Variants in FBXO34 observed in about 807,000 individuals in gnomAD.
FBXO34 encodes F-box protein 34.
A neutral mutation model predicts 24.5 loss-of-function variants in FBXO34; 12 were observed. That is an observed-to-expected ratio of 0.49 (90% confidence interval 0.31 to 0.79). The LOEUF is 0.79. Among genes scored for constraint, FBXO34 ranks in the 30% least tolerant of loss-of-function variants. FBXO34 has a pLI of 0.04. For missense variants in FBXO34, 823 were observed against 857.7 expected (o/e 0.96, Z 0.51); for synonymous variants, 320 against 311.9 (o/e 1.03, Z -0.27).
the FBXO34 span, among the ~76,000 whole-genome samples, chr14:55,407,285 C>G: frequency 6.6e-6 from 1 of 152,196 alleles, no homozygotes; most frequent in East Asian, 1.9e-4. Flanking sequence ...TGCGTGCCAC[C>G]ACGCCCAGCT....
intron 1 of FBXO34, among the ~76,000 whole-genome samples, chr14:55,292,781 C>T (rs1415025804): frequency 6.6e-6 from 1 of 152,142 alleles, no homozygotes; most frequent in African/African-American, 2.4e-5. Context: ...GGTACTGTGG[C>T]ATAGTAGATT....
At chr14:55,409,827 T>G in the FBXO34 span, among the ~76,000 whole-genome samples, 1 of 152,098 alleles carries the variant, frequency 6.6e-6, no homozygotes. Flanking sequence ...TGAACAGAAA[T>G]GGAGGAGTAG....
chr14:55,332,243 TG>T (rs1883620533), intron 1 of FBXO34, among the ~76,000 whole-genome samples: 1 of 151,856 alleles, frequency 6.6e-6, no homozygotes, highest in Non-Finnish European at 1.5e-5. Context: ...GCATAGTAGG[TG>T]TTAAATCGTT....
At chr14:55,364,095 C>T (rs1884629999), downstream of FBXO34, among the ~76,000 whole-genome samples, 1 of 151,986 alleles carries the variant, frequency 6.6e-6, no homozygotes, top group Non-Finnish European at 1.5e-5. Flanking sequence ...GGATAACAGG[C>T]ATGTGCCACC....
intron 1 of FBXO34, among the ~76,000 whole-genome samples, chr14:55,319,851 A>G (rs1234062708): frequency 6.6e-6 from 1 of 151,826 alleles, no homozygotes; most frequent in African/African-American, 2.4e-5. Context: ...AATTTTTTGT[A>G]TTTTTAGTAG....
Position 55,323,218 on chromosome 14 carries a change from A to AAAAATAT in FBXO34, c.-10-27162_-10-27161insAAATATA, listed in dbSNP as rs1566555819. Among the ~76,000 whole-genome samples, 5 of 31,626 alleles carry AAAAATAT rather than the reference A, an allele frequency of 1.6e-4. No homozygotes were observed. In the Admixed American group the frequency reaches 1.7e-3, roughly 11 times the overall value. The allele number at this position is 31,626 out of a possible 152,430, so 20.7% of individuals were successfully genotyped here. Reference sequence around the variant, plus strand: ...AAAAAAAAAAAAAAAAAAAAAAAAAAATATATATTTTTTTTTTTTTTTTTT... The same window carrying AAAAATAT: ...AAAAAAAAAAAAAAAAAAAAAAAAAAAAAATATATATATATTTTTTTTTTTTTTTTTT... On this transcript the variant is annotated intron_variant, in intron 1 of 1. Coordinates refer to ENST00000313833, the MANE Select transcript of FBXO34 (RefSeq NM_017943.4).
chr14:55,395,166 C>T, the FBXO34 span: 60 of 458,700 alleles, frequency 1.3e-4, no homozygotes, highest in South Asian at 8.3e-4. Context: ...AGCTGATAAG[C>T]GTGCCGATCT....
chr14:55,289,161 G>A (rs1489897247), intron 1 of FBXO34, among the ~76,000 whole-genome samples: 1 of 151,900 alleles, frequency 6.6e-6, no homozygotes, highest in African/African-American at 2.4e-5. Flanking sequence ...ATGATTTAGA[G>A]TTCTTAGCCT....
intron 1 of FBXO34, chr14:55,339,420 A>G (rs1883916346): frequency 7.1e-6 from 1 of 140,342 alleles, no homozygotes; most frequent in Non-Finnish European, 1.5e-5. Context: ...CTGGTTCCAA[A>G]GGCCCAAATT....
chr14:55,392,972 A>G, the FBXO34 span, among the ~76,000 whole-genome samples: 1 of 152,242 alleles, frequency 6.6e-6, no homozygotes, highest in Non-Finnish European at 1.5e-5. Context: ...GAAGTCTTAG[A>G]TAGAAAAACT....
chr14:55,429,559 C>T, the FBXO34 span, among the ~76,000 whole-genome samples: 1 of 152,034 alleles, frequency 6.6e-6, no homozygotes, highest in African/African-American at 2.4e-5. Context: ...AGGACAGTAG[C>T]TCGAGACCGG....
chr14:55,412,177 C>T, the FBXO34 span, among the ~76,000 whole-genome samples: 44 of 152,286 alleles, frequency 2.9e-4, no homozygotes, highest in African/African-American at 1.1e-3. Context: ...ATTTAACTTG[C>T]TGTGGATGCT....
the FBXO34 span, among the ~76,000 whole-genome samples, chr14:55,432,415 A>G: frequency 8.9e-6 from 1 of 111,974 alleles, no homozygotes; most frequent in Non-Finnish European, 2.1e-5. Context: ...CGTGTCTCAG[A>G]AAAAAAAAAA....
chr14:55,324,910 G>A (rs1184943736), intron 1 of FBXO34, among the ~76,000 whole-genome samples: 1 of 152,180 alleles, frequency 6.6e-6, no homozygotes, highest in Non-Finnish European at 1.5e-5. Flanking sequence ...GGCAGCAGCA[G>A]ATTTGGAGTC....
chr14:55,323,131 C>G (rs1358840594), intron 1 of FBXO34, among the ~76,000 whole-genome samples: 1 of 124,074 alleles, frequency 8.1e-6, no homozygotes. Flanking sequence ...CTTGCAGTGA[C>G]CTGAGATCAC....
Position 55,351,466 on chromosome 14 carries a change from C to G in FBXO34, c.1076C>G (p.Ser359Cys), listed in dbSNP as rs371319382. 3 of 1,614,188 alleles carry G rather than the reference C, an allele frequency of 1.9e-6. No individual in the cohort carries two copies. The highest frequency in any genetic ancestry group is 2.5e-6 in the Non-Finnish European group (3 of 1,180,028). Residue 359 changes from serine (S) to cysteine (C), a missense_variant, in exon 2 of 2, where the codon TCT becomes TGT. This residue lies in a region of FBXO34 where 693 missense variants were observed against 659.1 expected (regional missense o/e 1.05). Transcript: ENST00000313833. ...DCGPSRADRC[S>C]PKEDQAWDGA... Reference sequence around the variant, plus strand: ...GGCCCTTCAAGAGCTGATCGTTGTTCTCCTAAGGAGGACCAGGCCTGGGAC... The same window carrying G: ...GGCCCTTCAAGAGCTGATCGTTGTTGTCCTAAGGAGGACCAGGCCTGGGAC...
At chr14:55,294,692 C>G (rs761143914) in intron 1 of FBXO34, among the ~76,000 whole-genome samples, 1 of 152,150 alleles carries the variant, frequency 6.6e-6, no homozygotes, top group Non-Finnish European at 1.5e-5. Context: ...CTTTTGGAGA[C>G]TACTGTGTTC....
At chr14:55,377,653 A>G in the FBXO34 span, among the ~76,000 whole-genome samples, 21 of 152,326 alleles carry the variant, frequency 1.4e-4, no homozygotes, top group South Asian at 4.4e-3. Flanking sequence ...AAAACCCATA[A>G]AAGTTCAAAT....
At chr14:55,340,179 C>T (rs1481681371) in intron 1 of FBXO34, among the ~76,000 whole-genome samples, 1 of 152,184 alleles carries the variant, frequency 6.6e-6, no homozygotes, top group Admixed American at 6.5e-5. Context: ...GGGTGTGCCA[C>T]TGTGCCTGGC....
Sources: gnomAD v4.1 joint callset for allele counts (sites outside exome capture counted in the v4.1 genomes callset) on GRCh38, gnomAD v4.1.1 for gene constraint, gnomAD v4.1.1 regional missense constraint, MANE v1.5 for transcripts, NCBI Gene and HGNC (gene_info 2026-07-23, HGNC 2026-07-21) for gene names.